MGMT: variants seen among roughly 807,000 people sequenced by gnomAD.
MGMT encodes O-6-methylguanine-DNA methyltransferase.
A neutral mutation model predicts 15.9 loss-of-function variants in MGMT; 14 were observed. The observed-to-expected ratio is 0.88, with a 90% CI of 0.58 to 1.37. The LOEUF (loss-of-function observed/expected upper bound fraction) is 1.37, where lower values mean the gene tolerates loss of function less well. MGMT is among the 40% of genes most tolerant of loss of function. The pLI, the probability that MGMT is intolerant of heterozygous loss-of-function variation, is 0.00. For missense variants in MGMT, 282 were observed against 268.1 expected (o/e 1.05, Z -0.36); for synonymous variants, 130 against 118.2 (o/e 1.10, Z -0.65).
chr10:129,758,514 G>GA (rs1848833103), intron 3 of MGMT, among the ~76,000 whole-genome samples: 1 of 152,062 alleles, frequency 6.6e-6, no homozygotes, highest in African/African-American at 2.4e-5. Context: ...GAGGCAGAGG[G>GA]AGAGAATGTT....
intron 2 of MGMT, among the ~76,000 whole-genome samples, chr10:129,572,047 A>G (rs370905330): frequency 1.3e-5 from 2 of 152,214 alleles, no homozygotes; most frequent in Non-Finnish European, 2.9e-5. Context: ...TAATTAAGCT[A>G]TAATCTTCCT....
At chr10:129,658,033 T>C (rs1160437583) in intron 2 of MGMT, among the ~76,000 whole-genome samples, 1 of 152,214 alleles carries the variant, frequency 6.6e-6, no homozygotes, top group African/African-American at 2.4e-5. Context: ...ATCAAATCTC[T>C]GGGGGTCTTT....
At chr10:129,542,599 C>G (rs376082702) in intron 2 of MGMT, among the ~76,000 whole-genome samples, 31 of 152,164 alleles carry the variant, frequency 2.0e-4, no homozygotes, top group Admixed American at 9.8e-4. Context: ...TCCTCAGTGC[C>G]GTGAAATAAT....
intron 2 of MGMT, chr10:129,701,621 A>G (rs1472133524): frequency 1.3e-5 from 2 of 152,072 alleles, no homozygotes; most frequent in African/African-American, 2.4e-5. Context: ...AGCACTCTAA[A>G]CTGGGAAGAG....
intron 2 of MGMT, among the ~76,000 whole-genome samples, chr10:129,645,516 G>C (rs551679001): frequency 1.2e-4 from 19 of 152,284 alleles, no homozygotes; most frequent in Admixed American, 3.3e-4. Flanking sequence ...TGGCTGGAAG[G>C]GGGAAGGGTT....
intron 1 of MGMT, among the ~76,000 whole-genome samples, chr10:129,508,626 A>G (rs1845649477): frequency 6.6e-6 from 1 of 150,968 alleles, no homozygotes; most frequent in Non-Finnish European, 1.5e-5. Flanking sequence ...GCTCACTGCA[A>G]CCTCTGCCTC....
intron 2 of MGMT, among the ~76,000 whole-genome samples, chr10:129,676,900 GA>G (rs1177904047): frequency 6.6e-6 from 1 of 150,428 alleles, no homozygotes; most frequent in African/African-American, 2.4e-5. Flanking sequence ...TTTTCTTTTG[GA>G]AAAAAAAACA....
chr10:129,763,895 A>G (rs1848902876), intron 4 of MGMT, among the ~76,000 whole-genome samples: 1 of 152,212 alleles, frequency 6.6e-6, no homozygotes, highest in African/African-American at 2.4e-5. Flanking sequence ...CTCAATGTTA[A>G]AAACAGTCAG....
chr10:129,497,388 C>T (rs1845533023), intron 1 of MGMT, among the ~76,000 whole-genome samples: 1 of 152,174 alleles, frequency 6.6e-6, no homozygotes, highest in African/African-American at 2.4e-5. Flanking sequence ...TGTCCTGGTC[C>T]TCTCTCCTGT....
chr10:129,485,803 C>T (rs1845402612), intron 1 of MGMT, among the ~76,000 whole-genome samples: 1 of 152,144 alleles, frequency 6.6e-6, no homozygotes, highest in African/African-American at 2.4e-5. Flanking sequence ...TTAGTGGACT[C>T]ATAAAAATAA....
At position 129,586,493 on chromosome 10, in the gene MGMT, T is replaced by C. The variant is rs143217815; in HGVS notation, c.125+50116T>C. 3.3e-5 allele frequency among the ~76,000 whole-genome samples: 5 copies of C among 152,336 alleles called. No individual in the cohort carries two copies. In the East Asian group the frequency reaches 9.6e-4, roughly 29 times the overall value. Reference sequence around the variant, plus strand: ...TCGTTTTATGAATGGAATTATAACGTATAGTCTCTTCGTGTCTGAGTTCTT... The same window carrying C: ...TCGTTTTATGAATGGAATTATAACGCATAGTCTCTTCGTGTCTGAGTTCTT... On this transcript the variant is annotated intron_variant, in intron 2 of 4. Transcript: ENST00000651593.
intron 1 of MGMT, among the ~76,000 whole-genome samples, chr10:129,483,859 CATAG>C (rs923420254): frequency 5.3e-4 from 80 of 151,782 alleles, no homozygotes; most frequent in African/African-American, 1.1e-3. Flanking sequence ...GGAATATTTG[CATAG>C]ATAGATAGGT....
At chr10:129,608,951 A>G (rs1490882155) in intron 2 of MGMT, among the ~76,000 whole-genome samples, 1 of 152,252 alleles carries the variant, frequency 6.6e-6, no homozygotes, top group Non-Finnish European at 1.5e-5. Flanking sequence ...GAAGTAAAGC[A>G]TGCTTACGCA....
chr10:129,665,579 G>A (rs1044159147), intron 2 of MGMT, among the ~76,000 whole-genome samples: 3 of 152,026 alleles, frequency 2.0e-5, no homozygotes, highest in Non-Finnish European at 2.9e-5. Context: ...AAAACCACTG[G>A]GACAGCAAAT....
chr10:129,646,751 T>TAG (rs1847397053), intron 2 of MGMT, among the ~76,000 whole-genome samples: 1 of 106,964 alleles, frequency 9.3e-6, no homozygotes, highest in African/African-American at 3.7e-5. Context: ...TATATATATA[T>TAG]ATATTTTCAG....
intron 2 of MGMT, among the ~76,000 whole-genome samples, chr10:129,697,951 G>C (rs1345835788): frequency 6.6e-6 from 1 of 152,188 alleles, no homozygotes; most frequent in East Asian, 1.9e-4. Flanking sequence ...GGTTTCCTTG[G>C]AAAACTCCAG....
In MGMT at chr10:129,548,480, A is replaced by G. The variant is rs183146734; in HGVS notation, c.125+12103A>G. 2.6e-3 allele frequency among the ~76,000 whole-genome samples: 394 copies of G among 152,382 alleles called. 1 individual carries two copies. Among genetic ancestry groups the G allele is most frequent in the African/African-American group, 9.0e-3 (376 of 41,592 alleles). ...TGGCTCTGTTTGGAAGAGTTATTGT[A>G]CAACCCAGCACTGCTTTTATTAAAA... On this transcript the variant is annotated intron_variant, in intron 2 of 4. Transcript: ENST00000651593.
At chr10:129,711,455 T>C (rs1017277656) in intron 3 of MGMT, among the ~76,000 whole-genome samples, 1 of 152,150 alleles carries the variant, frequency 6.6e-6, no homozygotes, top group African/African-American at 2.4e-5. Flanking sequence ...CATTGTGAGG[T>C]TGGGACAGGT....
intron 2 of MGMT, among the ~76,000 whole-genome samples, chr10:129,690,345 C>A (rs116303321): frequency 6.6e-6 from 1 of 152,168 alleles, no homozygotes; most frequent in Non-Finnish European, 1.5e-5. Flanking sequence ...CAGTAACACC[C>A]GTTTGCCCCC....
Sources: allele counts gnomAD v4.1 joint callset (sites outside exome capture counted in the v4.1 genomes callset), GRCh38; gene constraint gnomAD v4.1.1; transcripts MANE v1.5; gene names NCBI Gene and HGNC (gene_info 2026-07-23, HGNC 2026-07-21).